RAB3IP: variants seen among roughly 807,000 people sequenced by gnomAD.
RAB3IP encodes the protein rab-3A-interacting protein.
RAB3IP carries 36 observed loss-of-function variants against 59.1 expected under a neutral mutation model. The observed-to-expected ratio is 0.61, with a 90% confidence interval of 0.47 to 0.80. The LOEUF (loss-of-function observed/expected upper bound fraction) is 0.80, where lower values mean the gene tolerates loss of function less well. Ranked by LOEUF, RAB3IP falls within the 30% of genes least tolerant of loss-of-function variation. The pLI, the probability that RAB3IP is intolerant of heterozygous loss-of-function variation, is 0.00. For missense variants in RAB3IP, 511 were observed against 536.0 expected (o/e 0.95, Z 0.46); for synonymous variants, 207 against 191.2 (o/e 1.08, Z -0.68).
At position 69,756,753 on chromosome 12, in the gene RAB3IP, T is replaced by C. The variant is rs1035478121; in HGVS notation, c.510+90T>C. On this transcript the variant is annotated intron_variant, in intron 3 of 10. Transcript: ENST00000247833. ...GGGGCAACCTGCAGAAATGAAATCA[T>C]GATGGTTGTACATTTATCCGTCACA... 63 of 1,060,718 alleles carry C rather than the reference T, an allele frequency of 5.9e-5. No individual in the cohort carries two copies. The African/African-American group carries it at 7.2e-4, about 12-fold the overall frequency. The allele number at this position is 1,060,718 out of a possible 1,614,324, so 65.7% of individuals were successfully genotyped here. A position where few individuals can be genotyped will look rare whatever the true frequency, so the allele number is the denominator to read the frequency against.
At chr12:69,786,221 A>G (rs988507365) in intron 4 of RAB3IP, among the ~76,000 whole-genome samples, 1 of 152,180 alleles carries the variant, frequency 6.6e-6, no homozygotes, top group African/African-American at 2.4e-5. Context: ...ACCATCACTA[A>G]TTGTAACGAT....
rs1403844397 is a variant in RAB3IP at position 69,810,676 on chromosome 12, A to T, written c.1131-2102A>T. 3.3e-5 allele frequency among the ~76,000 whole-genome samples: 5 copies of T among 152,080 alleles called. No individual in the cohort carries two copies. The East Asian group carries it at 9.7e-4, about 29-fold the overall frequency. Reference sequence around the variant, plus strand: ...GGAAGATGTGACATTTTAAGAAAGAAAAGTTAGATTGGGGTGGGGGGATGG... The same window carrying T: ...GGAAGATGTGACATTTTAAGAAAGATAAGTTAGATTGGGGTGGGGGGATGG... On this transcript the variant is annotated intron_variant, in intron 8 of 10. Transcript: ENST00000247833.
chr12:69,807,122 C>T lies in RAB3IP; in HGVS notation c.1130+5401C>T, dbSNP rs12391532. 3.7e-4 allele frequency among the ~76,000 whole-genome samples: 56 copies of T among 151,754 alleles called. 1 individual carries two copies. Among genetic ancestry groups the T allele is most frequent in the Admixed American group, 6.6e-5 (1 of 15,256 alleles). On this transcript the variant is annotated intron_variant, in intron 8 of 10. Transcript: ENST00000247833. Reference sequence around the variant, plus strand: ...GGAGCTGTTGGGTACACCTCCCAGACGGGGCGGCCGGGCAGAGGTGCTCCT... The same window carrying T: ...GGAGCTGTTGGGTACACCTCCCAGATGGGGCGGCCGGGCAGAGGTGCTCCT...
At chr12:69,766,319 C>T (rs991945042) in intron 3 of RAB3IP, among the ~76,000 whole-genome samples, 2 of 152,080 alleles carry the variant, frequency 1.3e-5, no homozygotes, top group African/African-American at 4.8e-5. Context: ...TTTATGTAAT[C>T]CCATATTTCT....
chr12:69,748,005 A>G (rs1868608121), intron 1 of RAB3IP, among the ~76,000 whole-genome samples: 1 of 152,062 alleles, frequency 6.6e-6, no homozygotes, highest in African/African-American at 2.4e-5. Context: ...GTAAACATAG[A>G]ATTCAAATTA....
chr12:69,792,288 C>T (rs193229663), intron 4 of RAB3IP, among the ~76,000 whole-genome samples: 41 of 152,098 alleles, frequency 2.7e-4, no homozygotes, highest in African/African-American at 8.7e-4. Context: ...ATCTTGTTTG[C>T]GCACCACCTC....
At position 69,822,907 on chromosome 12, in the gene RAB3IP, T is replaced by C. The variant is rs1371697412; in HGVS notation, c.*7461T>C. On this transcript the variant is annotated 3_prime_UTR_variant, in exon 11 of 11. Coordinates refer to ENST00000247833, the MANE Select transcript of RAB3IP (RefSeq NM_022456.5). ...ACACAATCTCTGTACCTGTGCTGTC[T>C]TCCAAGCCATTGCTCATGTTTTAAG... 1 of 152,206 alleles carries C rather than the reference T, an allele frequency of 6.6e-6. No homozygotes were observed. Among genetic ancestry groups the C allele is most frequent in the East Asian group, 1.9e-4 (1 of 5,204 alleles). The allele number at this position is 152,206 out of a possible 1,614,324, so 9.4% of individuals were successfully genotyped here. A position where few individuals can be genotyped will look rare whatever the true frequency, so the allele number is the denominator to read the frequency against.
chr12:69,796,774 A>G (rs1877494231), intron 6 of RAB3IP: 1 of 438,456 alleles, frequency 2.3e-6, no homozygotes, highest in Non-Finnish European at 4.0e-6. Flanking sequence ...TTTAAATAGC[A>G]ATTTTAATTG....
At chr12:69,781,517 A>C (rs1447558486) in intron 3 of RAB3IP, among the ~76,000 whole-genome samples, 1 of 152,008 alleles carries the variant, frequency 6.6e-6, no homozygotes, top group Non-Finnish European at 1.5e-5. Context: ...AATCCTCTTT[A>C]CTCTGCCTGC....
intron 3 of RAB3IP, among the ~76,000 whole-genome samples, chr12:69,770,830 A>G (rs1453029795): frequency 2.8e-4 from 43 of 152,236 alleles, no homozygotes; most frequent in Admixed American, 2.6e-3. Flanking sequence ...ACTAATTAGC[A>G]TTGCCATCAC....
intron 1 of RAB3IP, among the ~76,000 whole-genome samples, chr12:69,743,022 TATAATC>T (rs1452564219): frequency 3.9e-5 from 6 of 152,220 alleles, no homozygotes; most frequent in Non-Finnish European, 7.3e-5. Flanking sequence ...GGATTGTAAA[TATAATC>T]ATAATGGCAG....
At chr12:69,759,029 G>A (rs561808593) in intron 3 of RAB3IP, among the ~76,000 whole-genome samples, 5 of 149,766 alleles carry the variant, frequency 3.3e-5, no homozygotes, top group African/African-American at 9.9e-5. Context: ...GGTGTTTCTC[G>A]CAGAGGGGGA....
chr12:69,760,451 TCTC>T (rs1017141653), intron 3 of RAB3IP, among the ~76,000 whole-genome samples: 7 of 152,146 alleles, frequency 4.6e-5, no homozygotes, highest in Admixed American at 2.6e-4. Flanking sequence ...AGCCTCCAAC[TCTC>T]CTCTTGCTCA....
intron 1 of RAB3IP, among the ~76,000 whole-genome samples, chr12:69,743,013 G>A (rs1887503470): frequency 6.6e-6 from 1 of 152,204 alleles, no homozygotes; most frequent in Non-Finnish European, 1.5e-5. Flanking sequence ...TTAACAGTAG[G>A]ATTGTAAATA....
In RAB3IP at chr12:69,822,526, G is replaced by T. The variant is rs1370976786; in HGVS notation, c.*7080G>T. 2.0e-5 allele frequency: 3 copies of T among 151,584 alleles called. No homozygotes were observed. The highest frequency in any genetic ancestry group is 4.9e-5 in the African/African-American group (2 of 41,228). The allele number at this position is 151,584 out of a possible 1,614,324, so 9.4% of individuals were successfully genotyped here. A position where few individuals can be genotyped will look rare whatever the true frequency, so the allele number is the denominator to read the frequency against. On this transcript the variant is annotated 3_prime_UTR_variant, in exon 11 of 11. Transcript: ENST00000247833. ...CAACAGGATAGCAGAGGCTGGGAAG[G>T]GTAATGGGGGTTGGGGGGTGGGAGG...
intron 3 of RAB3IP, among the ~76,000 whole-genome samples, chr12:69,762,684 G>A (rs539623610): frequency 1.4e-5 from 2 of 141,278 alleles, no homozygotes; most frequent in South Asian, 4.4e-4. Flanking sequence ...GTGAACCCAG[G>A]AGGTGGAGCT....
In RAB3IP at chr12:69,808,272, C is replaced by G. The variant is rs562419950; in HGVS notation, c.1131-4506C>G. Among the ~76,000 whole-genome samples, 10 of 152,240 alleles carry G rather than the reference C, an allele frequency of 6.6e-5. No individual in the cohort carries two copies. In the East Asian group the frequency reaches 1.5e-3, roughly 24 times the overall value. On this transcript the variant is annotated intron_variant, in intron 8 of 10. Coordinates refer to ENST00000247833, the MANE Select transcript of RAB3IP (RefSeq NM_022456.5). ...TCTGAGAGACAGTTTGTTATAATTT[C>G]TGTTCTTTTACATTTGCTGAGGTGT...
At chr12:69,809,535 A>C (rs1470582285) in intron 8 of RAB3IP, among the ~76,000 whole-genome samples, 1 of 152,212 alleles carries the variant, frequency 6.6e-6, no homozygotes, top group East Asian at 1.9e-4. Flanking sequence ...TTTCAGGTAC[A>C]CCAATCAGAC....
At chr12:69,794,553 G>T (rs1877148508) in intron 5 of RAB3IP, 39 bp downstream of exon 5, 1 of 1,485,290 alleles carries the variant, frequency 6.7e-7, no homozygotes, top group African/African-American at 1.4e-5. Context: ...AAATAAATTT[G>T]TGATAACTGT....
Sources: gnomAD v4.1 joint callset for allele counts (sites outside exome capture counted in the v4.1 genomes callset) on GRCh38, gnomAD v4.1.1 for gene constraint, MANE v1.5 for transcripts, NCBI Gene and HGNC (gene_info 2026-07-23, HGNC 2026-07-21) for gene names.